The following CDK8 variants were observed in gnomAD, a reference collection of about 807,000 sequenced individuals.
The protein encoded by CDK8 is cyclin-dependent kinase 8.
A neutral mutation model predicts 71.5 loss-of-function variants in CDK8; 29 were observed. That is an observed-to-expected ratio of 0.41 (90% CI 0.30 to 0.55). CDK8 has a LOEUF of 0.55. Ranked by LOEUF, CDK8 falls within the 20% of genes least tolerant of loss-of-function variation. The pLI, the probability that CDK8 is intolerant of heterozygous loss-of-function variation, is 0.37. For missense variants in CDK8, 288 were observed against 572.6 expected (o/e 0.50, Z 5.07); for synonymous variants, 161 against 192.1 (o/e 0.84, Z 1.34).
intron 1 of CDK8, among the ~76,000 whole-genome samples, chr13:26,336,324 C>A (rs1306706527): frequency 6.6e-6 from 1 of 152,064 alleles, no homozygotes; most frequent in African/African-American, 2.4e-5. Flanking sequence ...CAGAGATGAT[C>A]CAACATGTGA....
intron 1 of CDK8, among the ~76,000 whole-genome samples, chr13:26,285,194 T>C (rs1029023524): frequency 1.3e-5 from 2 of 152,092 alleles, no homozygotes; most frequent in Non-Finnish European, 2.9e-5. Flanking sequence ...ATCATGCCAC[T>C]GCACCCCAGT....
intron 4 of CDK8, among the ~76,000 whole-genome samples, chr13:26,368,814 G>C (rs1029188120): frequency 2.0e-5 from 3 of 152,098 alleles, no homozygotes; most frequent in African/African-American, 7.2e-5. Flanking sequence ...TGCTTTTTCT[G>C]CGTCTTCTGG....
chr13:26,274,308 A>G (rs1160068297), intron 1 of CDK8, among the ~76,000 whole-genome samples: 4 of 152,118 alleles, frequency 2.6e-5, no homozygotes, highest in African/African-American at 9.7e-5. Context: ...TAGGCAACCT[A>G]TGGAATTTTG....
At chr13:26,392,130 T>A (rs1875773125) in intron 6 of CDK8, among the ~76,000 whole-genome samples, 1 of 152,240 alleles carries the variant, frequency 6.6e-6, no homozygotes, top group Non-Finnish European at 1.5e-5. Flanking sequence ...TTGTTAAGAG[T>A]AGAAATGAAA....
intron 4 of CDK8, among the ~76,000 whole-genome samples, chr13:26,379,198 C>G (rs146269504): frequency 1.0e-3 from 155 of 152,298 alleles, no homozygotes; most frequent in African/African-American, 3.6e-3. Context: ...CACTTAAGAC[C>G]ATTGTCTTTT....
chr13:26,360,038 T>A (rs1874065824), intron 4 of CDK8, among the ~76,000 whole-genome samples: 1 of 152,176 alleles, frequency 6.6e-6, no homozygotes, highest in Admixed American at 6.5e-5. Flanking sequence ...GTAGAACTGA[T>A]TTCAGTAGAA....
chr13:26,306,404 T>G (rs946900194), intron 1 of CDK8, among the ~76,000 whole-genome samples: 7 of 152,202 alleles, frequency 4.6e-5, no homozygotes, highest in African/African-American at 1.7e-4. Context: ...TATTTACTTC[T>G]TGTAGCATAT....
intron 4 of CDK8, among the ~76,000 whole-genome samples, chr13:26,376,280 C>T (rs1319277336): frequency 6.6e-6 from 1 of 152,088 alleles, no homozygotes; most frequent in Non-Finnish European, 1.5e-5. Flanking sequence ...GTTTTCGATA[C>T]TGTCTCTGTG....
At chr13:26,396,133 A>C in intron 7 of CDK8, 152 bp from the exon 8 acceptor site, 2 of 380,482 alleles carry the variant, frequency 5.3e-6, no homozygotes, top group Non-Finnish European at 9.8e-6. Context: ...ACACTTCAAG[A>C]TATTTACTGT....
intron 1 of CDK8, among the ~76,000 whole-genome samples, chr13:26,287,765 ATGAT>A (rs1445227581): frequency 5.9e-5 from 9 of 152,328 alleles, no homozygotes; most frequent in Admixed American, 3.9e-4. Flanking sequence ...AAAAAAGTAA[ATGAT>A]TGAAAGAAGT....
chr13:26,367,859 T>A (rs893282762), intron 4 of CDK8, among the ~76,000 whole-genome samples: 1 of 152,210 alleles, frequency 6.6e-6, no homozygotes, highest in Non-Finnish European at 1.5e-5. Context: ...CAATTGGTCC[T>A]TATCATCTGC....
At position 26,254,316 on chromosome 13, in the gene CDK8, G is replaced by C; in HGVS notation, c.-326G>C. On this transcript the variant is annotated 5_prime_UTR_variant, in exon 1 of 13. Coordinates refer to ENST00000381527, the MANE Select transcript of CDK8 (RefSeq NM_001260.3). This position sits in a 1 kb window ranked among gnomAD's most constrained non-coding sequence, Gnocchi z 6.7. ...AGCAGAACGCGCGGCCGGAGAGAGC[G>C]GCGGAGCCGGCGCCCAGGGAGCCCG... 1 of 277,522 alleles carries C rather than the reference G, an allele frequency of 3.6e-6. No homozygotes were observed. Among genetic ancestry groups the C allele is most frequent in the South Asian group, 6.6e-5 (1 of 15,078 alleles). The allele number at this position is 277,522 out of a possible 1,614,324, so 17.2% of individuals were successfully genotyped here. A position where few individuals can be genotyped will look rare whatever the true frequency, so the allele number is the denominator to read the frequency against.
intron 1 of CDK8, among the ~76,000 whole-genome samples, chr13:26,267,815 G>C (rs762140163): frequency 1.3e-5 from 2 of 152,116 alleles, no homozygotes; most frequent in East Asian, 3.9e-4. Flanking sequence ...AACTTCCCAG[G>C]CTCCCAAAGT....
chr13:26,365,145 T>G (rs1874327998), intron 4 of CDK8, among the ~76,000 whole-genome samples: 1 of 152,164 alleles, frequency 6.6e-6, no homozygotes, highest in Non-Finnish European at 1.5e-5. Flanking sequence ...ATAAAACACA[T>G]AAGATTGCAA....
In CDK8 at chr13:26,336,008, G is replaced by T. The variant is rs572405097; in HGVS notation, c.129-1559G>T. On this transcript the variant is annotated intron_variant, in intron 1 of 12. Coordinates refer to ENST00000381527, the MANE Select transcript of CDK8 (RefSeq NM_001260.3). The stretch of plus-strand genomic sequence containing the variant: ...CTTGGCATGAAAAGACTTGTGTTGT[G>T]GTTCTTGATTTTATCCCCAGCCTCA... Among the ~76,000 whole-genome samples, 36 of 152,132 alleles carry T rather than the reference G, an allele frequency of 2.4e-4. 1 individual carries two copies. Among genetic ancestry groups the T allele is most frequent in the Non-Finnish European group, 4.6e-4 (31 of 67,996 alleles).
chr13:26,321,212 G>A (rs892508439), intron 1 of CDK8, among the ~76,000 whole-genome samples: 5 of 152,166 alleles, frequency 3.3e-5, no homozygotes, highest in African/African-American at 1.2e-4. Flanking sequence ...CCTTAAAAAG[G>A]TAGGAAATTC....
chr13:26,308,053 C>T (rs1360704966), intron 1 of CDK8, among the ~76,000 whole-genome samples: 2 of 152,124 alleles, frequency 1.3e-5, no homozygotes, highest in Non-Finnish European at 2.9e-5. Context: ...ATTAGATTTC[C>T]CATTAAAATC....
At chr13:26,377,563 C>T (rs1875013997) in intron 4 of CDK8, among the ~76,000 whole-genome samples, 1 of 151,728 alleles carries the variant, frequency 6.6e-6, no homozygotes, top group African/African-American at 2.4e-5. Flanking sequence ...CAGAGGAAGG[C>T]AAGAAACAAC....
intron 1 of CDK8, among the ~76,000 whole-genome samples, chr13:26,256,404 A>G (rs1871527418): frequency 6.6e-6 from 1 of 152,216 alleles, no homozygotes; most frequent in Non-Finnish European, 1.5e-5. Context: ...TAAAATCCCC[A>G]ATCCCATGAG....
Sources: gnomAD v4.1 joint callset for allele counts (sites outside exome capture counted in the v4.1 genomes callset) on GRCh38, gnomAD v4.1.1 for gene constraint, Gnocchi (gnomAD v3.1) non-coding constraint, MANE v1.5 for transcripts, NCBI Gene and HGNC (gene_info 2026-07-23, HGNC 2026-07-21) for gene names.